The following PAM variants were observed in gnomAD, a reference collection of about 807,000 sequenced individuals.
PAM encodes peptidylglycine alpha-amidating monooxygenase.
Under a neutral mutation model 122.1 loss-of-function variants are expected in PAM, and 72 were observed. That is an observed-to-expected ratio of 0.59 (90% CI 0.49 to 0.72). PAM has a LOEUF of 0.72. Among genes scored for constraint, PAM ranks in the 30% least tolerant of loss-of-function variants. The pLI is 0.00. For synonymous variants in PAM, 389 were observed against 404.4 expected, an observed-to-expected ratio of 0.96 and a Z score of 0.46; for missense variants, 1,106 against 1,183.7, an observed-to-expected ratio of 0.93 and a Z score of 0.96.
intron 3 of PAM, among the ~76,000 whole-genome samples, chr5:102,892,137 G>C (rs984258128): frequency 6.6e-6 from 1 of 151,710 alleles, no homozygotes; most frequent in Admixed American, 6.6e-5. Flanking sequence ...TTCTTGAAAA[G>C]GACCTTAAGG....
intron 1 of PAM, among the ~76,000 whole-genome samples, chr5:102,787,006 C>A (rs539319094): frequency 1.1e-4 from 17 of 152,120 alleles, no homozygotes; most frequent in Non-Finnish European, 2.2e-4. Context: ...AAAAATCTTA[C>A]TCTCCCATCT....
chr5:102,760,232 CA>C (rs1442346612), intron 1 of PAM, among the ~76,000 whole-genome samples: 5 of 152,194 alleles, frequency 3.3e-5, no homozygotes, highest in Admixed American at 1.3e-4. Context: ...TCCCCTCTGA[CA>C]ATGCAGATCA....
At chr5:103,025,578 A>G (rs1784731350) in intron 24 of PAM, among the ~76,000 whole-genome samples, 1 of 152,198 alleles carries the variant, frequency 6.6e-6, no homozygotes, top group Non-Finnish European at 1.5e-5. Context: ...CTTTAATACT[A>G]TCTTTTAGCA....
rs769725394 is a variant in PAM, at chr5:102,959,979, T to A, written c.1010T>A (p.Met337Lys). The A allele has an allele frequency of 6.2e-7, 1 of 1,612,258 alleles. No individual in the cohort carries two copies. Residue 337 changes from methionine to lysine, a missense_variant, in exon 13 of 26, where the codon ATG becomes AAG. This residue lies in a region of PAM where 670 missense variants were observed against 690.3 expected (regional missense o/e 0.97). Transcript: ENST00000438793. ...TGTACCCAGAATGTAGCTCCAGATA[T>A]GTTCAGAACCATACCACCAGAGGCC... ...MTCTQNVAPD[M>K]FRTIPPEANI...
At chr5:102,783,452 A>AT (rs564513639) in intron 1 of PAM, among the ~76,000 whole-genome samples, 132 of 152,232 alleles carry the variant, frequency 8.7e-4, no homozygotes, top group African/African-American at 2.9e-3. Flanking sequence ...AGAATCATTG[A>AT]TTTTTTCAAT....
intron 4 of PAM, among the ~76,000 whole-genome samples, chr5:102,902,707 G>A (rs574022497): frequency 6.6e-6 from 1 of 151,428 alleles, no homozygotes; most frequent in South Asian, 2.1e-4. Context: ...CTCGCAAAAG[G>A]AATTTCCCAT....
chr5:102,840,987 A>G (rs1185933951), intron 1 of PAM, among the ~76,000 whole-genome samples: 2 of 152,152 alleles, frequency 1.3e-5, no homozygotes, highest in African/African-American at 2.4e-5. Flanking sequence ...TTAATAACTA[A>G]TCTGATTTAA....
intron 5 of PAM, among the ~76,000 whole-genome samples, chr5:102,915,495 C>A (rs984712829): frequency 6.6e-6 from 1 of 151,988 alleles, no homozygotes; most frequent in African/African-American, 2.4e-5. Flanking sequence ...CAGTAAATAC[C>A]CTTCAATATC....
intron 14 of PAM, among the ~76,000 whole-genome samples, chr5:102,968,733 C>A (rs1764866041): frequency 1.3e-5 from 2 of 151,962 alleles, no homozygotes; most frequent in Non-Finnish European, 2.9e-5. Context: ...ATAGAAAATA[C>A]CACCCAGAAT....
intron 1 of PAM, among the ~76,000 whole-genome samples, chr5:102,806,494 G>C (rs547317759): frequency 6.6e-6 from 1 of 152,056 alleles, no homozygotes; most frequent in African/African-American, 2.4e-5. Flanking sequence ...AAATGTCCTG[G>C]GTGTGTATCT....
intron 7 of PAM, among the ~76,000 whole-genome samples, chr5:102,931,158 A>G (rs1751373067): frequency 6.6e-6 from 1 of 152,244 alleles, no homozygotes; most frequent in Non-Finnish European, 1.5e-5. Context: ...TTCCCTAAAT[A>G]CAATATTTTG....
chr5:102,833,883 A>T (rs974799723), intron 1 of PAM, among the ~76,000 whole-genome samples: 2 of 152,198 alleles, frequency 1.3e-5, no homozygotes, highest in African/African-American at 4.8e-5. Flanking sequence ...ATAAGCTGTT[A>T]TAGTGTAATG....
intron 7 of PAM, among the ~76,000 whole-genome samples, chr5:102,940,163 CAT>C (rs1054182443): frequency 2.7e-5 from 4 of 150,496 alleles, no homozygotes; most frequent in East Asian, 1.9e-4. Flanking sequence ...CACACACACA[CAT>C]ATATATGAAA....
rs572122620 is a variant in PAM, at chr5:102,761,992, G to A, written c.-374+6644G>A. Among the ~76,000 whole-genome samples the A allele has an allele frequency of 7.9e-4, 121 of 152,342 alleles. 1 individual carries two copies. The highest frequency in any genetic ancestry group is 2.8e-3 in the African/African-American group (118 of 41,588). On this transcript the variant is annotated intron_variant, in intron 1 of 25. Coordinates refer to ENST00000438793, the MANE Select transcript of PAM (RefSeq NM_001177306.2). ...TGCTATTAGGGTTTGTATAAAGGTA[G>A]AGTCCCTTGCATAAAGCAGGCATTT...
rs371978388 is a variant in PAM at position 103,003,227 on chromosome 5, CG to C, written c.1730+79del. ...AAGTGTATCATAGAGTCTTGAAATT[CG>C]AGTGTTTTGTATAACTGCACTTGAG... On this transcript the variant is annotated intron_variant, in intron 17 of 25. Coordinates refer to ENST00000438793, the MANE Select transcript of PAM (RefSeq NM_001177306.2). 9.4e-4 allele frequency: 654 copies of C among 692,506 alleles called. 4 individuals carry two copies. The South Asian group carries it at 0.011, about 12-fold the overall frequency. The allele number at this position is 692,506 out of a possible 1,614,324, so 42.9% of individuals were successfully genotyped here. A position where few individuals can be genotyped will look rare whatever the true frequency, so the allele number is the denominator to read the frequency against.
intron 1 of PAM, among the ~76,000 whole-genome samples, chr5:102,830,513 T>A (rs1775125934): frequency 6.6e-6 from 1 of 152,214 alleles, no homozygotes; most frequent in Admixed American, 6.5e-5. Context: ...TTCTTCTCCA[T>A]GACTCTCCTC....
chr5:102,978,265 T>C (rs1253504704), intron 15 of PAM, among the ~76,000 whole-genome samples: 1 of 152,170 alleles, frequency 6.6e-6, no homozygotes, highest in Non-Finnish European at 1.5e-5. Flanking sequence ...AAACATCTGA[T>C]CACATACATT....
In PAM at chr5:103,003,143, A is replaced by G; in HGVS notation, c.1724A>G (p.Lys575Arg). The G allele has an allele frequency of 7.2e-7, 1 of 1,384,790 alleles. No individual in the cohort carries two copies. The highest frequency in any genetic ancestry group is 1.0e-6 in the Non-Finnish European group (1 of 970,420). 85.8% of individuals were successfully genotyped at this position (1,384,790 alleles called of 1,614,324 possible). Reference protein sequence around the residue: ...NNAAVLQSSGKNLFYLPHGLS... With the variant: ...NNAAVLQSSGRNLFYLPHGLS... ...GCTGCAGTACTCCAGTCCAGTGGAA[A>G]AAATCTGTGAGTTAAATGACTTATG... Residue 575 changes from lysine to arginine, a missense_variant, in exon 17 of 26, where the codon AAA becomes AGA. This residue lies in a region of PAM where 103 missense variants were observed against 157.9 expected (regional missense o/e 0.65). Transcript: ENST00000438793.
At position 102,809,399 on chromosome 5, in the gene PAM, A is replaced by G. The variant is rs1034938457; in HGVS notation, c.-374+54051A>G. On this transcript the variant is annotated intron_variant, in intron 1 of 25. Transcript: ENST00000438793. Reference sequence around the variant, plus strand: ...AAACAAAAAACAAAAAAACCCTTAAATTTAATGGAAGTGGTAGATAACAGC... The same window carrying G: ...AAACAAAAAACAAAAAAACCCTTAAGTTTAATGGAAGTGGTAGATAACAGC... Among the ~76,000 whole-genome samples, 7 of 152,134 alleles carry G rather than the reference A, an allele frequency of 4.6e-5. No homozygotes were observed. In the East Asian group the frequency reaches 1.2e-3, roughly 25 times the overall value.
Sources: allele counts gnomAD v4.1 joint callset (sites outside exome capture counted in the v4.1 genomes callset), GRCh38; gene constraint gnomAD v4.1.1; regional missense constraint gnomAD v4.1.1; transcripts MANE v1.5; gene names NCBI Gene and HGNC (gene_info 2026-07-23, HGNC 2026-07-21).